PIGK: variants seen among roughly 807,000 people sequenced by gnomAD.
PIGK encodes phosphatidylinositol glycan anchor biosynthesis class K.
Under a neutral mutation model 50.6 loss-of-function variants are expected in PIGK, and 42 were observed. The ratio of observed to expected loss-of-function variants is 0.83; its 90% CI spans 0.65 to 1.07. The LOEUF is 1.07. PIGK is among the 50% of genes least tolerant of loss of function. PIGK has a pLI of 0.00. For synonymous variants in PIGK, 151 were observed against 156.0 expected (o/e 0.97, Z 0.24); for missense variants, 448 against 488.7 (o/e 0.92, Z 0.78).
chr1:77,099,056 C>T (rs565044297), intron 10 of PIGK, among the ~76,000 whole-genome samples: 22 of 151,906 alleles, frequency 1.4e-4, no homozygotes, highest in East Asian at 3.9e-4. Context: ...AATTCAGAAA[C>T]GCTCACAAAG....
At chr1:77,155,523 A>G (rs200470748) in intron 8 of PIGK, among the ~76,000 whole-genome samples, 1 of 152,198 alleles carries the variant, frequency 6.6e-6, no homozygotes, top group South Asian at 2.1e-4. Flanking sequence ...GAAAAAAATG[A>G]TAAGTCCCAC....
At chr1:77,109,458 C>T (rs1230685871) in intron 10 of PIGK, among the ~76,000 whole-genome samples, 4 of 152,136 alleles carry the variant, frequency 2.6e-5, no homozygotes, top group African/African-American at 4.8e-5. Flanking sequence ...GTTCAATGTT[C>T]GCAAATCAAT....
chr1:77,169,388 C>T lies in PIGK; in HGVS notation c.247G>A (p.Val83Ile), dbSNP rs1557812615. Residue 83 changes from valine to isoleucine, a missense_variant, in exon 4 of 11, where the codon GTC (valine) becomes ATC (isoleucine). Transcript: ENST00000370812. ...GCCATATCATCTGCAAGCATTAGGA[C>T]AATGTGACTAGGGAAAAAAAATCCA... ...KRLGIPDSHI[V>I]LMLADDMACN... The T allele has an allele frequency of 1.3e-6, 2 of 1,585,120 alleles. No individual in the cohort carries two copies. Among genetic ancestry groups the T allele is most frequent in the South Asian group, 2.4e-5 (2 of 84,192 alleles).
intron 3 of PIGK, among the ~76,000 whole-genome samples, chr1:77,181,715 CT>C (rs933526639): frequency 1.7e-4 from 26 of 152,286 alleles, no homozygotes; most frequent in African/African-American, 6.3e-4. Context: ...ATAGGTGTTG[CT>C]TTTCCCCCTG....
At chr1:77,159,967 G>T (rs2100554707) in intron 8 of PIGK, among the ~76,000 whole-genome samples, 1 of 152,188 alleles carries the variant, frequency 6.6e-6, no homozygotes, top group South Asian at 2.1e-4. Flanking sequence ...GCTCTGGGAG[G>T]GGCCAGAGGC....
At chr1:77,126,968 G>A (rs991753596) in intron 9 of PIGK, among the ~76,000 whole-genome samples, 5 of 151,996 alleles carry the variant, frequency 3.3e-5, no homozygotes, top group Non-Finnish European at 7.4e-5. Context: ...AACTTAATAA[G>A]GGAATAATTT....
At chr1:77,196,944 T>C (rs916484874) in intron 3 of PIGK, among the ~76,000 whole-genome samples, 1 of 152,152 alleles carries the variant, frequency 6.6e-6, no homozygotes, top group Non-Finnish European at 1.5e-5. Context: ...AATTTTTAGT[T>C]GGAGATCTTA....
chr1:77,192,044 A>G (rs1655918827), intron 3 of PIGK, among the ~76,000 whole-genome samples: 1 of 152,120 alleles, frequency 6.6e-6, no homozygotes, highest in African/African-American at 2.4e-5. Flanking sequence ...TTGAGGCAGG[A>G]GGACTGCTTG....
chr1:77,210,454 TG>T lies in PIGK; in HGVS notation c.128del (p.Thr43LysfsTer33). 1 of 1,595,226 alleles carries T rather than the reference TG, an allele frequency of 6.3e-7. No individual in the cohort carries two copies. The highest frequency in any genetic ancestry group is 2.3e-5 in the East Asian group (1 of 44,442). On this transcript the variant is annotated frameshift_variant, in exon 2 of 11. Coordinates refer to ENST00000370812, the MANE Select transcript of PIGK (RefSeq NM_005482.3). LOFTEE classifies it high-confidence loss of function. The part of the protein sequence containing the change: ...QAEQFFRSGH[T>X]NNWAVLVCTS... ...TACTTACCAGAACAGCCCAGTTGTT[TG>T]TATGGCCACTTCTAAAGAATTGTTC...
At chr1:77,189,849 T>C (rs1390596852) in intron 3 of PIGK, among the ~76,000 whole-genome samples, 2 of 150,238 alleles carry the variant, frequency 1.3e-5, no homozygotes, top group African/African-American at 4.9e-5. Context: ...CTAATACAAC[T>C]CAGTATGTCT....
chr1:77,101,565 A>G (rs141515649), intron 10 of PIGK, among the ~76,000 whole-genome samples: 2 of 152,358 alleles, frequency 1.3e-5, no homozygotes, highest in Non-Finnish European at 2.9e-5. Flanking sequence ...GAAGACAAGA[A>G]ATATAAAATA....
chr1:77,185,680 A>T (rs1322987545), intron 3 of PIGK, among the ~76,000 whole-genome samples: 2 of 152,122 alleles, frequency 1.3e-5, no homozygotes, highest in African/African-American at 4.8e-5. Context: ...AGAACAGGAG[A>T]AGGCTCTGCA....
At chr1:77,145,998 A>AC (rs1269597902) in intron 9 of PIGK, among the ~76,000 whole-genome samples, 1 of 152,174 alleles carries the variant, frequency 6.6e-6, no homozygotes, top group Non-Finnish European at 1.5e-5. Flanking sequence ...TAAATAAAAA[A>AC]TACTGTAAAT....
intron 3 of PIGK, among the ~76,000 whole-genome samples, chr1:77,199,737 C>A (rs1656118656): frequency 6.6e-6 from 1 of 151,956 alleles, no homozygotes. Context: ...TAGAAAAGAA[C>A]ACAAGATATT....
intron 2 of PIGK, among the ~76,000 whole-genome samples, chr1:77,206,937 C>A (rs188232830): frequency 9.9e-5 from 15 of 152,206 alleles, no homozygotes; most frequent in African/African-American, 3.4e-4. Context: ...GAAGCCCAGG[C>A]GGGAAGATCA....
At chr1:77,188,254 G>A (rs1037478484) in intron 3 of PIGK, among the ~76,000 whole-genome samples, 7 of 152,100 alleles carry the variant, frequency 4.6e-5, no homozygotes, top group Non-Finnish European at 8.8e-5. Context: ...GAGAAATATC[G>A]CTGAATTCTT....
At chr1:77,141,996 A>G (rs1654659660) in intron 9 of PIGK, among the ~76,000 whole-genome samples, 1 of 152,178 alleles carries the variant, frequency 6.6e-6, no homozygotes, top group Non-Finnish European at 1.5e-5. Context: ...TAAAAGCCAT[A>G]AATAGTTCAA....
At chr1:77,135,764 T>C (rs1289411631) in intron 9 of PIGK, among the ~76,000 whole-genome samples, 4 of 151,964 alleles carry the variant, frequency 2.6e-5, no homozygotes, top group South Asian at 2.1e-4. Context: ...TCTAAAGCTA[T>C]TAAAATTTAC....
intron 8 of PIGK, among the ~76,000 whole-genome samples, chr1:77,156,022 T>A (rs897351350): frequency 4.0e-5 from 6 of 151,878 alleles, no homozygotes; most frequent in African/African-American, 1.5e-4. Context: ...ATCCTTGTCA[T>A]CCCTATTCAG....
Sources: allele counts gnomAD v4.1 joint callset (sites outside exome capture counted in the v4.1 genomes callset), GRCh38; gene constraint gnomAD v4.1.1; transcripts MANE v1.5; gene names NCBI Gene and HGNC (gene_info 2026-07-23, HGNC 2026-07-21).